The following GALNT13 variants were observed in gnomAD, a reference collection of about 807,000 sequenced individuals.
The protein encoded by GALNT13 is polypeptide N-acetylgalactosaminyltransferase 13.
A neutral mutation model predicts 64.2 loss-of-function variants in GALNT13; 28 were observed. The observed-to-expected ratio is 0.44, with a 90% CI of 0.32 to 0.60. GALNT13 has a LOEUF of 0.60. GALNT13 is among the 20% of genes least tolerant of loss of function. GALNT13 has a pLI of 0.05. For missense variants in GALNT13, 577 were observed against 669.8 expected (o/e 0.86, Z 1.53); for synonymous variants, 214 against 224.6 (o/e 0.95, Z 0.42).
the GALNT13 span, among the ~76,000 whole-genome samples, chr2:153,329,400 A>T: frequency 5.9e-5 from 9 of 152,236 alleles, no homozygotes; most frequent in Non-Finnish European, 5.9e-5. Context: ...TCAACAGTGT[A>T]TAAGAATTCC....
chr2:153,202,486 T>C, the GALNT13 span, among the ~76,000 whole-genome samples: 42 of 152,338 alleles, frequency 2.8e-4, no homozygotes, highest in South Asian at 8.7e-3. Flanking sequence ...AATACTAAGA[T>C]TGACACATAC....
chr2:153,616,210 G>A, the GALNT13 span, among the ~76,000 whole-genome samples: 2 of 151,608 alleles, frequency 1.3e-5, no homozygotes, highest in South Asian at 2.1e-4. Context: ...TTTCCCAAGT[G>A]TATGTTCTTG....
the GALNT13 span, among the ~76,000 whole-genome samples, chr2:153,139,974 A>T: frequency 6.6e-6 from 1 of 151,944 alleles, no homozygotes. Flanking sequence ...GTTCTTAGCT[A>T]TTTATTTTCC....
chr2:153,180,277 A>T, the GALNT13 span, among the ~76,000 whole-genome samples: 1 of 152,178 alleles, frequency 6.6e-6, no homozygotes, highest in Non-Finnish European at 1.5e-5. Flanking sequence ...CCATCTAATG[A>T]GACGATCATA....
chr2:154,155,799 G>C (rs1684380288), intron 4 of GALNT13, among the ~76,000 whole-genome samples: 1 of 151,878 alleles, frequency 6.6e-6, no homozygotes, highest in East Asian at 1.9e-4. Flanking sequence ...ATGTTGCTAT[G>C]TAATTTTGTT....
the GALNT13 span, among the ~76,000 whole-genome samples, chr2:153,639,661 G>A: frequency 6.6e-6 from 1 of 152,060 alleles, no homozygotes; most frequent in Admixed American, 6.6e-5. Flanking sequence ...CCATTCCATC[G>A]GAAAAACTCA....
chr2:153,415,338 C>T, the GALNT13 span, among the ~76,000 whole-genome samples: 5 of 152,104 alleles, frequency 3.3e-5, no homozygotes, highest in South Asian at 8.3e-4. Context: ...AACTGTCATC[C>T]AAGCCTGAAC....
intron 3 of GALNT13, among the ~76,000 whole-genome samples, chr2:154,033,953 A>G (rs1007209713): frequency 1.3e-5 from 2 of 152,168 alleles, no homozygotes; most frequent in African/African-American, 4.8e-5. Flanking sequence ...AAACAAGCAA[A>G]CAAACAAACA....
intron 4 of GALNT13, among the ~76,000 whole-genome samples, chr2:154,164,701 C>T (rs549830767): frequency 2.0e-5 from 3 of 152,104 alleles, no homozygotes; most frequent in South Asian, 2.1e-4. Flanking sequence ...CATAAGAAAA[C>T]GTGACGTGGC....
the GALNT13 span, among the ~76,000 whole-genome samples, chr2:153,300,909 A>C: frequency 1.6e-4 from 25 of 152,194 alleles, no homozygotes; most frequent in Admixed American, 6.5e-4. Flanking sequence ...TAATTCATTA[A>C]ATTAAGAGTA....
intron 4 of GALNT13, among the ~76,000 whole-genome samples, chr2:154,218,383 A>G (rs535224042): frequency 1.3e-5 from 2 of 152,164 alleles, no homozygotes; most frequent in African/African-American, 4.8e-5. Context: ...TCAGCCATCT[A>G]AAGAGGCAAA....
chr2:153,769,925 TA>T, the GALNT13 span, among the ~76,000 whole-genome samples: 1 of 152,224 alleles, frequency 6.6e-6, no homozygotes, highest in Non-Finnish European at 1.5e-5. Flanking sequence ...GAGTTCTGTT[TA>T]GTCTTTTTGT....
chr2:154,180,729 T>C (rs989194434), intron 4 of GALNT13, among the ~76,000 whole-genome samples: 2 of 152,170 alleles, frequency 1.3e-5, no homozygotes, highest in Non-Finnish European at 2.9e-5. Context: ...ACCTGTGTGA[T>C]AAATATTTTA....
At chr2:153,438,848 T>C in the GALNT13 span, among the ~76,000 whole-genome samples, 4 of 152,212 alleles carry the variant, frequency 2.6e-5, no homozygotes, top group Non-Finnish European at 5.9e-5. Context: ...TCCAGCTTTG[T>C]TCTGTTGCTG....
the GALNT13 span, among the ~76,000 whole-genome samples, chr2:153,638,352 G>A: frequency 1.3e-5 from 2 of 152,110 alleles, no homozygotes; most frequent in African/African-American, 4.8e-5. Context: ...GCAATATGAA[G>A]GCAATAGAGG....
chr2:153,479,071 G>C, the GALNT13 span, among the ~76,000 whole-genome samples: 1 of 152,224 alleles, frequency 6.6e-6, no homozygotes, highest in South Asian at 2.1e-4. Context: ...GATGATTAAA[G>C]AGTTTGTCGG....
At chr2:154,019,219 A>G (rs1414410204) in intron 3 of GALNT13, among the ~76,000 whole-genome samples, 1 of 152,226 alleles carries the variant, frequency 6.6e-6, no homozygotes, top group African/African-American at 2.4e-5. Context: ...GATATAAATT[A>G]AATCAAAGCT....
rs1559075285 is a variant in GALNT13, at chr2:154,298,532, GTATATATT to G, written c.976-2869_976-2862del. The stretch of plus-strand genomic sequence containing the variant: ...TAAATTATATATTATATATAAAATT[GTATATATT>G]TATATATAAATTGTATATATAATTT... On this transcript the variant is annotated intron_variant, in intron 8 of 12. Coordinates refer to ENST00000392825, the MANE Select transcript of GALNT13 (RefSeq NM_052917.4). Among the ~76,000 whole-genome samples the G allele has an allele frequency of 5.8e-5, 3 of 51,776 alleles. No homozygotes were observed. In the East Asian group the frequency reaches 2.8e-3, roughly 48 times the overall value. The allele number at this position is 51,776 out of a possible 152,430, so 34.0% of individuals were successfully genotyped here.
At chr2:154,149,508 T>A (rs1206451566) in intron 4 of GALNT13, among the ~76,000 whole-genome samples, 2 of 152,206 alleles carry the variant, frequency 1.3e-5, no homozygotes, top group African/African-American at 4.8e-5. Context: ...ATCTATAAAT[T>A]ACCTTGGGCA....
Sources: gnomAD v4.1 joint callset for allele counts (sites outside exome capture counted in the v4.1 genomes callset) on GRCh38, gnomAD v4.1.1 for gene constraint, MANE v1.5 for transcripts, NCBI Gene and HGNC (gene_info 2026-07-23, HGNC 2026-07-21) for gene names.